The following SCHIP1 variants were observed in gnomAD, a reference collection of about 807,000 sequenced individuals.
The protein encoded by SCHIP1 is schwannomin interacting protein 1.
In SCHIP1, 8 loss-of-function variants were observed where a neutral mutation model predicts 29.7. That is an observed-to-expected ratio of 0.27 (90% confidence interval 0.16 to 0.49). SCHIP1 has a LOEUF of 0.49. SCHIP1 is among the 20% of genes least tolerant of loss of function. The probability of loss-of-function intolerance (pLI) is 0.99; values close to 1 mark genes in which losing one functional copy is unlikely to be tolerated. For synonymous variants in SCHIP1, 76 were observed against 94.9 expected (o/e 0.80, Z 1.16); for missense variants, 193 against 294.6 (o/e 0.66, Z 2.52).
the SCHIP1 span, among the ~76,000 whole-genome samples, chr3:159,296,886 A>G: frequency 1.3e-5 from 2 of 152,196 alleles, no homozygotes; most frequent in South Asian, 2.1e-4. Context: ...TTATCTTATA[A>G]ACTAAATATT....
the SCHIP1 span, among the ~76,000 whole-genome samples, chr3:159,647,746 G>A: frequency 6.6e-6 from 1 of 152,264 alleles, no homozygotes; most frequent in East Asian, 1.9e-4. Context: ...TTGTCTAGAA[G>A]CTTGTGTCTA....
chr3:159,399,735 G>A, the SCHIP1 span, among the ~76,000 whole-genome samples: 5 of 152,126 alleles, frequency 3.3e-5, no homozygotes. Context: ...GGAGTGCAGT[G>A]GCACAGTTAC....
At chr3:159,323,342 G>T in the SCHIP1 span, among the ~76,000 whole-genome samples, 1 of 152,146 alleles carries the variant, frequency 6.6e-6, no homozygotes, top group Non-Finnish European at 1.5e-5. Context: ...CTCCCACTTT[G>T]TCTCTCTGAA....
At chr3:159,726,075 A>T in the SCHIP1 span, among the ~76,000 whole-genome samples, 1 of 152,226 alleles carries the variant, frequency 6.6e-6, no homozygotes, top group East Asian at 1.9e-4. Flanking sequence ...ACACCCTTGC[A>T]ACCTTTGAAG....
chr3:159,360,805 C>A, the SCHIP1 span, among the ~76,000 whole-genome samples: 1 of 151,926 alleles, frequency 6.6e-6, no homozygotes, highest in African/African-American at 2.4e-5. Context: ...TTCCATAATC[C>A]TTTACTGACC....
At chr3:159,483,251 G>A in the SCHIP1 span, among the ~76,000 whole-genome samples, 1 of 152,148 alleles carries the variant, frequency 6.6e-6, no homozygotes, top group Non-Finnish European at 1.5e-5. Flanking sequence ...CTATCCGAAA[G>A]ACAAGGGATT....
the SCHIP1 span, among the ~76,000 whole-genome samples, chr3:159,404,817 T>C: frequency 6.6e-6 from 1 of 152,244 alleles, no homozygotes; most frequent in South Asian, 2.1e-4. Context: ...CAGTGGTTAC[T>C]GCAGGTCTTG....
the SCHIP1 span, among the ~76,000 whole-genome samples, chr3:159,560,195 TATTA>T: frequency 2.6e-5 from 4 of 152,204 alleles, no homozygotes; most frequent in Non-Finnish European, 5.9e-5. Flanking sequence ...TTATCAATAA[TATTA>T]ATATCCTAGA....
the SCHIP1 span, among the ~76,000 whole-genome samples, chr3:159,340,134 A>G: frequency 6.6e-6 from 1 of 152,110 alleles, no homozygotes; most frequent in African/African-American, 2.4e-5. Context: ...GAGGATAACT[A>G]GGAAGGATTT....
At chr3:159,868,307 A>G (rs548340715) in intron 2 of SCHIP1, among the ~76,000 whole-genome samples, 1 of 151,988 alleles carries the variant, frequency 6.6e-6, no homozygotes, top group African/African-American at 2.4e-5. Flanking sequence ...GTATTTACCT[A>G]CATATCTCTA....
chr3:159,727,054 T>C, the SCHIP1 span, among the ~76,000 whole-genome samples: 131 of 152,326 alleles, frequency 8.6e-4, no homozygotes, highest in Non-Finnish European at 1.6e-3. Flanking sequence ...ACAAATCCTC[T>C]ATGAACTAAT....
chr3:159,619,593 T>G, the SCHIP1 span, among the ~76,000 whole-genome samples: 1 of 152,238 alleles, frequency 6.6e-6, no homozygotes, highest in Non-Finnish European at 1.5e-5. Context: ...GGATAACCTT[T>G]GGCTTCTGCC....
intron 2 of SCHIP1, among the ~76,000 whole-genome samples, chr3:159,881,748 T>A (rs571566794): frequency 3.9e-5 from 6 of 152,304 alleles, no homozygotes; most frequent in South Asian, 2.1e-4. Flanking sequence ...GTAATTTTTT[T>A]AAAAAGCCAT....
the SCHIP1 span, among the ~76,000 whole-genome samples, chr3:159,694,605 AAAGG>A: frequency 1.8e-3 from 252 of 137,216 alleles, 3 homozygotes; most frequent in African/African-American, 7.0e-3. Flanking sequence ...AGAAAGAAAG[AAAGG>A]AATTATGACC....
At chr3:159,669,695 A>G in the SCHIP1 span, among the ~76,000 whole-genome samples, 1 of 152,220 alleles carries the variant, frequency 6.6e-6, no homozygotes, top group African/African-American at 2.4e-5. Context: ...AGGTATTAAT[A>G]TTTAGCAAAA....
chr3:159,743,101 C>T, the SCHIP1 span, among the ~76,000 whole-genome samples: 2 of 152,108 alleles, frequency 1.3e-5, no homozygotes. Context: ...TATTCTCCTG[C>T]CTTTAGGCTT....
intron 5 of SCHIP1, among the ~76,000 whole-genome samples, chr3:159,890,937 G>A (rs1717456396): frequency 6.6e-6 from 1 of 152,150 alleles, no homozygotes; most frequent in African/African-American, 2.4e-5. Flanking sequence ...TGCTAAATGG[G>A]TACTCTCTTC....
the SCHIP1 span, among the ~76,000 whole-genome samples, chr3:159,294,501 A>G: frequency 1.4e-3 from 212 of 152,318 alleles, no homozygotes; most frequent in Non-Finnish European, 1.7e-3. Flanking sequence ...GAGATTTGAC[A>G]TGACGTTTTT....
At chr3:159,641,467 A>C in the SCHIP1 span, among the ~76,000 whole-genome samples, 164 of 152,278 alleles carry the variant, frequency 1.1e-3, no homozygotes, top group African/African-American at 3.7e-3. Flanking sequence ...AAATTTTAGC[A>C]TCAATTTCAT....
Sources: allele counts gnomAD v4.1 joint callset (sites outside exome capture counted in the v4.1 genomes callset), GRCh38; gene constraint gnomAD v4.1.1; transcripts MANE v1.5; gene names NCBI Gene and HGNC (gene_info 2026-07-23, HGNC 2026-07-21).